Variants in CA12 observed in about 807,000 individuals in gnomAD.
CA12 encodes the protein carbonate dehydratase XII.
CA12 carries 36 observed loss-of-function variants against 46.8 expected under a neutral mutation model. The observed-to-expected ratio is 0.77, with a 90% confidence interval of 0.59 to 1.02. CA12 has a LOEUF of 1.02. Among genes scored for constraint, CA12 ranks in the 50% least tolerant of loss-of-function variants. CA12 has a pLI of 0.00. For synonymous variants in CA12, 202 were observed against 187.0 expected (o/e 1.08, Z -0.65); for missense variants, 436 against 451.4 (o/e 0.97, Z 0.31).
In CA12 at chr15:63,348,356, G is replaced by A. The variant is rs1212108192; in HGVS notation, c.107-1647C>T. Among the ~76,000 whole-genome samples, 1 of 152,152 alleles carries A rather than the reference G, an allele frequency of 6.6e-6. No individual in the cohort carries two copies. The highest frequency in any genetic ancestry group is 2.4e-5 in the African/African-American group (1 of 41,430). On this transcript the variant is annotated intron_variant, in intron 2 of 10. Coordinates refer to ENST00000178638, the MANE Select transcript of CA12 (RefSeq NM_001218.5). The surrounding 1 kb of genome is among the most constrained non-coding windows in gnomAD (Gnocchi z 4.6). The stretch of plus-strand genomic sequence containing the variant: ...TGACTAGGGAAGAGGGAGGCTGGAG[G>A]ATATCAAAGCAGGCACTCCAGGGCC...
At position 63,326,124 on chromosome 15, in the gene CA12, C is replaced by T. The variant is rs929496953; in HGVS notation, c.*161G>A. 6 of 673,758 alleles carry T rather than the reference C, an allele frequency of 8.9e-6. No individual in the cohort carries two copies. The highest frequency in any genetic ancestry group is 2.1e-5 in the Admixed American group (1 of 48,132). The allele number at this position is 673,758 out of a possible 1,614,324, so 41.7% of individuals were successfully genotyped here. ...CGGATGGCTCTGGGGTGGCCATGGT[C>T]CCAAGGCAAGGAGGCACCCAGCAGA... On this transcript the variant is annotated 3_prime_UTR_variant, in exon 11 of 11. Transcript: ENST00000178638.
intron 2 of CA12, among the ~76,000 whole-genome samples, chr15:63,347,289 G>T (rs964784302): frequency 1.3e-5 from 2 of 152,190 alleles, no homozygotes; most frequent in African/African-American, 4.8e-5. Flanking sequence ...AACCTAAATA[G>T]GTCTTTGTGG....
Position 63,328,246 on chromosome 15 carries a change from G to A in CA12, c.875-116C>T. On this transcript the variant is annotated intron_variant, in intron 8 of 10. Coordinates refer to ENST00000178638, the MANE Select transcript of CA12 (RefSeq NM_001218.5). The surrounding 1 kb of genome is among the most constrained non-coding windows in gnomAD (Gnocchi z 5.9). ...TGGTCTTAGGCTGACAGACCTCTAGGGATGTCCACCCTTGGCTCAGGGATT... is the reference window on the plus strand; with the variant it reads ...TGGTCTTAGGCTGACAGACCTCTAGAGATGTCCACCCTTGGCTCAGGGATT... The A allele has an allele frequency of 2.2e-6, 2 of 918,028 alleles. No homozygotes were observed. Among genetic ancestry groups the A allele is most frequent in the Non-Finnish European group, 3.6e-6 (2 of 563,016 alleles). 56.9% of individuals were successfully genotyped at this position (918,028 alleles called of 1,614,324 possible). A position where few individuals can be genotyped will look rare whatever the true frequency, so the allele number is the denominator to read the frequency against.
rs1352454824 is a variant in CA12, at chr15:63,348,052, G to C, written c.107-1343C>G. Among the ~76,000 whole-genome samples the C allele has an allele frequency of 6.6e-6, 1 of 152,172 alleles. No homozygotes were observed. The highest frequency in any genetic ancestry group is 1.5e-5 in the Non-Finnish European group (1 of 68,028). ...TGGGAAGAATCCGAAGTGATACTTG[G>C]TACCCAGGTTCATTTCAAATGCTAT... is the stretch of plus-strand genomic sequence containing the variant. On this transcript the variant is annotated intron_variant, in intron 2 of 10. Transcript: ENST00000178638. This position sits in a 1 kb window ranked among gnomAD's most constrained non-coding sequence, Gnocchi z 4.6.
intron 2 of CA12, among the ~76,000 whole-genome samples, chr15:63,371,794 C>G (rs2039511167): frequency 6.6e-6 from 1 of 152,188 alleles, no homozygotes; most frequent in African/African-American, 2.4e-5. Flanking sequence ...AGCTCCAATA[C>G]AGTCATTCTT....
chr15:63,377,688 T>C (rs1044527488), intron 1 of CA12, among the ~76,000 whole-genome samples: 4 of 152,266 alleles, frequency 2.6e-5, no homozygotes, highest in African/African-American at 9.6e-5. Flanking sequence ...CCTAACCATG[T>C]ACTGCTCCCT....
Position 63,339,027 on chromosome 15 carries a change from T to G in CA12, c.748-82A>C. On this transcript the variant is annotated intron_variant, in intron 7 of 10. Transcript: ENST00000178638. The surrounding 1 kb of genome is among the most constrained non-coding windows in gnomAD (Gnocchi z 4.3). ...TGGGAAGAGGCTAGCTCTCCGCTCTTGCACCTGGGAGAAGCCTCTGGAACC... is the reference window on the plus strand; with the variant it reads ...TGGGAAGAGGCTAGCTCTCCGCTCTGGCACCTGGGAGAAGCCTCTGGAACC... The G allele has an allele frequency of 1.9e-6, 3 of 1,563,314 alleles. No individual in the cohort carries two copies. The highest frequency in any genetic ancestry group is 2.6e-6 in the Non-Finnish European group (3 of 1,145,638).
chr15:63,374,934 G>A lies in CA12; in HGVS notation c.106+724C>T, dbSNP rs1392754889. ...AGACATTATCAACATTCCCGCACTGGCCAGGGGACTCAGGTGTCTGGCCTG... is the reference window on the plus strand; with the variant it reads ...AGACATTATCAACATTCCCGCACTGACCAGGGGACTCAGGTGTCTGGCCTG... On this transcript the variant is annotated intron_variant, in intron 2 of 10. Coordinates refer to ENST00000178638, the MANE Select transcript of CA12 (RefSeq NM_001218.5). This position sits in a 1 kb window ranked among gnomAD's most constrained non-coding sequence, Gnocchi z 4.4. Among the ~76,000 whole-genome samples the A allele has an allele frequency of 2.6e-5, 4 of 152,148 alleles. No individual in the cohort carries two copies. Among genetic ancestry groups the A allele is most frequent in the Non-Finnish European group, 5.9e-5 (4 of 68,048 alleles).
chr15:63,340,711 A>T lies in CA12; in HGVS notation c.589+9T>A, dbSNP rs919825860. On this transcript the variant is annotated intron_variant, in intron 6 of 10. Transcript: ENST00000178638. This position sits in a 1 kb window ranked among gnomAD's most constrained non-coding sequence, Gnocchi z 4.4. ...GCAGAGAGTGAATATGCATGCAAGG[A>T]CCCCTCACCTTTGTACTTTACATGT... is the stretch of plus-strand genomic sequence containing the variant. 2.5e-6 allele frequency: 4 copies of T among 1,613,344 alleles called. No homozygotes were observed. The Admixed American group carries it at 6.7e-5, about 27-fold the overall frequency.
intron 2 of CA12, among the ~76,000 whole-genome samples, chr15:63,360,821 G>A (rs544750333): frequency 1.3e-5 from 2 of 152,176 alleles, no homozygotes; most frequent in Non-Finnish European, 2.9e-5. Context: ...ATAGCACTTA[G>A]TGTGCTTCAT....
At chr15:63,352,786 C>T (rs1465278843) in intron 2 of CA12, among the ~76,000 whole-genome samples, 1 of 151,972 alleles carries the variant, frequency 6.6e-6, no homozygotes, top group Non-Finnish European at 1.5e-5. Context: ...TTGGTTAGTC[C>T]CTCAAAGTTT....
chr15:63,359,960 TG>T (rs2039340888), intron 2 of CA12, among the ~76,000 whole-genome samples: 3 of 152,210 alleles, frequency 2.0e-5, no homozygotes, highest in Non-Finnish European at 4.4e-5. Flanking sequence ...TATCAAGCTC[TG>T]TCATGTAGCA....
chr15:63,368,539 A>G (rs7174294), intron 2 of CA12, among the ~76,000 whole-genome samples: 146,812 of 152,290 alleles, frequency 0.96, 70,941 homozygotes, highest in Non-Finnish European at 1. Flanking sequence ...CAGCCTTTTT[A>G]CTTGAAAGAT....
At chr15:63,333,622 G>A (rs1369215249) in intron 8 of CA12, among the ~76,000 whole-genome samples, 2 of 152,290 alleles carry the variant, frequency 1.3e-5, no homozygotes, top group Admixed American at 6.5e-5. Context: ...GAAATACAAG[G>A]TCAATAATGA....
In CA12 at chr15:63,330,816, T is replaced by C. The variant is rs2038928876; in HGVS notation, c.875-2686A>G. Among the ~76,000 whole-genome samples the C allele has an allele frequency of 6.6e-6, 1 of 152,212 alleles. No homozygotes were observed. The highest frequency in any genetic ancestry group is 2.1e-4 in the South Asian group (1 of 4,836). On this transcript the variant is annotated intron_variant, in intron 8 of 10. Coordinates refer to ENST00000178638, the MANE Select transcript of CA12 (RefSeq NM_001218.5). This position sits in a 1 kb window ranked among gnomAD's most constrained non-coding sequence, Gnocchi z 4.0. ...AACAGCATAGTTGAACCCAGTGCTG[T>C]GACCTGGGATCTTTGCTCCTTGAGG...
At position 63,348,594 on chromosome 15, in the gene CA12, C is replaced by G. The variant is rs1239532622; in HGVS notation, c.107-1885G>C. ...AGCCAGCAGGGCGGAAGCTGCCAGC[C>G]AGGCATGAATGCAAAAAACTCAGGA... On this transcript the variant is annotated intron_variant, in intron 2 of 10. Coordinates refer to ENST00000178638, the MANE Select transcript of CA12 (RefSeq NM_001218.5). This position sits in a 1 kb window ranked among gnomAD's most constrained non-coding sequence, Gnocchi z 4.6. Among the ~76,000 whole-genome samples, 1 of 152,224 alleles carries G rather than the reference C, an allele frequency of 6.6e-6. No individual in the cohort carries two copies. Among genetic ancestry groups the G allele is most frequent in the Non-Finnish European group, 1.5e-5 (1 of 68,044 alleles).
intron 2 of CA12, among the ~76,000 whole-genome samples, chr15:63,365,570 A>C (rs531495897): frequency 6.6e-6 from 1 of 152,344 alleles, no homozygotes; most frequent in East Asian, 1.9e-4. Flanking sequence ...CTGGGCACCT[A>C]TTTGAATACT....
chr15:63,329,239 A>G lies in CA12; in HGVS notation c.875-1109T>C, dbSNP rs542372192. The stretch of plus-strand genomic sequence containing the variant: ...CACATCAGCCCCACTTCTCTGCTCC[A>G]TGGAACCAGGGTATTACGGCTTCAA... On this transcript the variant is annotated intron_variant, in intron 8 of 10. Transcript: ENST00000178638. The surrounding 1 kb of genome is among the most constrained non-coding windows in gnomAD (Gnocchi z 4.8). Among the ~76,000 whole-genome samples, 2 of 152,332 alleles carry G rather than the reference A, an allele frequency of 1.3e-5. No homozygotes were observed. The highest frequency in any genetic ancestry group is 2.4e-5 in the African/African-American group (1 of 41,572).
intron 1 of CA12, among the ~76,000 whole-genome samples, chr15:63,376,506 A>T (rs955768395): frequency 2.7e-5 from 4 of 146,962 alleles, no homozygotes; most frequent in Non-Finnish European, 4.5e-5. Flanking sequence ...GCTTTTTCCC[A>T]CTTTACATTT....
Sources: gnomAD v4.1 joint callset for allele counts (sites outside exome capture counted in the v4.1 genomes callset) on GRCh38, gnomAD v4.1.1 for gene constraint, Gnocchi (gnomAD v3.1) non-coding constraint, MANE v1.5 for transcripts, NCBI Gene and HGNC (gene_info 2026-07-23, HGNC 2026-07-21) for gene names.